PLPPR1: variants seen among roughly 807,000 people sequenced by gnomAD.
PLPPR1 encodes the protein phospholipid phosphatase related 1.
A neutral mutation model predicts 33.1 loss-of-function variants in PLPPR1; 10 were observed. That is an observed-to-expected ratio of 0.30 (90% CI 0.19 to 0.51). The LOEUF (loss-of-function observed/expected upper bound fraction) is 0.51, where lower values mean the gene tolerates loss of function less well. PLPPR1 is among the 20% of genes least tolerant of loss of function. The pLI, the probability that PLPPR1 is intolerant of heterozygous loss-of-function variation, is 0.97. For missense variants in PLPPR1, 304 were observed against 408.1 expected, an observed-to-expected ratio of 0.74 and a Z score of 2.20; for synonymous variants, 151 against 151.0, an observed-to-expected ratio of 1.00 and a Z score of 0.00.
rs1220745303 is a variant in PLPPR1 at position 101,188,654 on chromosome 9, C to A, written c.63+3097C>A. ...GTGGATTTTTACTTTTTTCTTGCTC[C>A]CTACCATCATCTACTTTGGATTACT... On this transcript the variant is annotated intron_variant, in intron 2 of 7. Transcript: ENST00000374874. Among the ~76,000 whole-genome samples, 6 of 151,890 alleles carry A rather than the reference C, an allele frequency of 4.0e-5. No individual in the cohort carries two copies. The East Asian group carries it at 1.2e-3, about 29-fold the overall frequency.
intron 1 of PLPPR1, among the ~76,000 whole-genome samples, chr9:101,061,438 A>G (rs998448920): frequency 9.9e-5 from 15 of 151,982 alleles, no homozygotes; most frequent in African/African-American, 2.9e-4. Context: ...TTTTCTCTGC[A>G]TGATACACTT....
At chr9:101,295,960 A>T (rs1332868364) in intron 4 of PLPPR1, among the ~76,000 whole-genome samples, 2 of 149,824 alleles carry the variant, frequency 1.3e-5, no homozygotes, top group East Asian at 3.9e-4. Flanking sequence ...ATGGGATCTA[A>T]TTAAACTAAA....
intron 1 of PLPPR1, among the ~76,000 whole-genome samples, chr9:101,182,525 G>T (rs796224550): frequency 4.6e-5 from 7 of 151,788 alleles, no homozygotes; most frequent in African/African-American, 1.7e-4. Flanking sequence ...TTAAAGAAAA[G>T]TGGGAGACAG....
chr9:101,298,146 TA>T (rs1828682753), intron 4 of PLPPR1, among the ~76,000 whole-genome samples: 1 of 152,180 alleles, frequency 6.6e-6, no homozygotes, highest in Non-Finnish European at 1.5e-5. Flanking sequence ...TTGAGTTAAT[TA>T]AAAAACTGAT....
chr9:101,226,020 C>A (rs1484923838), intron 2 of PLPPR1, among the ~76,000 whole-genome samples: 1 of 152,002 alleles, frequency 6.6e-6, no homozygotes, highest in Non-Finnish European at 1.5e-5. Flanking sequence ...CTCATGTCTC[C>A]TGACTCCCAA....
intron 1 of PLPPR1, among the ~76,000 whole-genome samples, chr9:101,044,961 A>G (rs1588005142): frequency 6.6e-6 from 1 of 152,222 alleles, no homozygotes. Flanking sequence ...AGAGGAGTTA[A>G]GAAGATTCTC....
At chr9:101,313,070 C>A in intron 6 of PLPPR1, 96 bp downstream of exon 6, 1 of 1,058,524 alleles carries the variant, frequency 9.4e-7, no homozygotes, top group Non-Finnish European at 1.4e-6. Context: ...GTGTTCCTTT[C>A]GTCCCAACCT....
chr9:101,291,362 G>A (rs1828503058), intron 4 of PLPPR1, among the ~76,000 whole-genome samples: 1 of 152,326 alleles, frequency 6.6e-6, no homozygotes, highest in South Asian at 2.1e-4. Context: ...TGGGGGCAGG[G>A]CACAGACAAA....
chr9:101,118,462 A>T (rs1831140774), intron 1 of PLPPR1, among the ~76,000 whole-genome samples: 1 of 152,184 alleles, frequency 6.6e-6, no homozygotes, highest in South Asian at 2.1e-4. Flanking sequence ...TCTGAGACTG[A>T]TATCTGCACT....
At chr9:101,076,178 G>A (rs563799716) in intron 1 of PLPPR1, among the ~76,000 whole-genome samples, 1 of 152,154 alleles carries the variant, frequency 6.6e-6, no homozygotes, top group East Asian at 1.9e-4. Flanking sequence ...ACTCTGGGGT[G>A]GGGCCCAGCC....
Position 101,312,849 on chromosome 9 carries a change from G to C in PLPPR1, c.688G>C (p.Val230Leu). ...KTKSSRLAKP[V>L]LCLGTLCTAF... is the part of the protein sequence containing the mutation. Reference sequence around the variant, plus strand: ...GAAGAGCAGTCGACTGGCCAAGCCGGTGCTGTGCCTCGGAACTCTCTGCAC... The same window carrying C: ...GAAGAGCAGTCGACTGGCCAAGCCGCTGCTGTGCCTCGGAACTCTCTGCAC... Residue 230 changes from valine (V) to leucine (L), a missense_variant, in exon 6 of 8, where the codon GTG becomes CTG. Physicochemically the swap from Val to Leu is conservative, Grantham distance 32. Coordinates refer to ENST00000374874, the MANE Select transcript of PLPPR1 (RefSeq NM_207299.2). The C allele has an allele frequency of 6.2e-7, 1 of 1,614,114 alleles. No individual in the cohort carries two copies. The highest frequency in any genetic ancestry group is 8.5e-7 in the Non-Finnish European group (1 of 1,180,022).
At chr9:101,095,153 T>C (rs974387990) in intron 1 of PLPPR1, among the ~76,000 whole-genome samples, 1 of 152,224 alleles carries the variant, frequency 6.6e-6, no homozygotes, top group African/African-American at 2.4e-5. Context: ...CCAAGCTCAA[T>C]AGTCTCACTT....
chr9:101,312,637 T>G (rs1828979323), intron 5 of PLPPR1, among the ~76,000 whole-genome samples, 161 bp from the exon 6 acceptor site: 1 of 152,194 alleles, frequency 6.6e-6, no homozygotes. Flanking sequence ...AAATAATTTA[T>G]TAAATATCTT....
At chr9:101,276,953 T>A (rs1436879704) in intron 3 of PLPPR1, among the ~76,000 whole-genome samples, 4 of 152,188 alleles carry the variant, frequency 2.6e-5, no homozygotes, top group Non-Finnish European at 5.9e-5. Context: ...TAAGAGCTCT[T>A]GAACTAGCCA....
chr9:101,049,815 G>C (rs537535030), intron 1 of PLPPR1, among the ~76,000 whole-genome samples: 1 of 151,422 alleles, frequency 6.6e-6, no homozygotes, highest in Non-Finnish European at 1.5e-5. Flanking sequence ...TTCTTAATAA[G>C]AGCCTTGATT....
At chr9:101,207,537 G>A (rs994221956) in intron 2 of PLPPR1, among the ~76,000 whole-genome samples, 17 of 152,110 alleles carry the variant, frequency 1.1e-4, no homozygotes, top group Admixed American at 4.6e-4. Context: ...GATGAAGTGG[G>A]GGTGTGAGAA....
At chr9:101,290,566 C>CT (rs1564028145) in intron 4 of PLPPR1, among the ~76,000 whole-genome samples, 1 of 152,090 alleles carries the variant, frequency 6.6e-6, no homozygotes, top group Admixed American at 6.5e-5. Context: ...AAATAATGGT[C>CT]TTTTTTTAAC....
rs547255753 is a variant in PLPPR1 at position 101,262,625 on chromosome 9, A to G, written c.64-7255A>G. Among the ~76,000 whole-genome samples, 17 of 152,286 alleles carry G rather than the reference A, an allele frequency of 1.1e-4. 1 individual carries two copies. In the South Asian group the frequency reaches 3.5e-3, roughly 32 times the overall value. The stretch of plus-strand genomic sequence containing the variant: ...TCCTCAAGGATCTAGAACCAGAAAT[A>G]CCATTTGAGCCAGCAATCCCATTAC... On this transcript the variant is annotated intron_variant, in intron 2 of 7. Transcript: ENST00000374874.
chr9:101,110,399 A>G (rs7467823), intron 1 of PLPPR1, among the ~76,000 whole-genome samples: 103,238 of 152,010 alleles, frequency 0.68, 35,361 homozygotes, highest in Non-Finnish European at 0.73. Context: ...GGCAATATGG[A>G]GACATCTAGC....
Sources: gnomAD v4.1 joint callset for allele counts (sites outside exome capture counted in the v4.1 genomes callset) on GRCh38, gnomAD v4.1.1 for gene constraint, MANE v1.5 for transcripts, NCBI Gene and HGNC (gene_info 2026-07-23, HGNC 2026-07-21) for gene names.